Variants in SCNN1B observed in about 807,000 individuals in gnomAD.
SCNN1B encodes the protein sodium channel epithelial 1 subunit beta, also known as epithelial sodium channel subunit beta.
In SCNN1B, 46 loss-of-function variants were observed where a neutral mutation model predicts 65.3. That is an observed-to-expected ratio of 0.70 (90% confidence interval 0.56 to 0.90). SCNN1B has a LOEUF of 0.90. SCNN1B is among the 40% of genes least tolerant of loss of function. The probability of loss-of-function intolerance (pLI) is 0.00; values close to 1 mark genes in which losing one functional copy is unlikely to be tolerated. For missense variants in SCNN1B, 751 were observed against 830.5 expected (o/e 0.90, Z 1.18); for synonymous variants, 349 against 330.6 (o/e 1.06, Z -0.60).
chr16:23,320,011 TG>T (rs1464487263), intron 1 of SCNN1B, among the ~76,000 whole-genome samples: 2 of 152,162 alleles, frequency 1.3e-5, no homozygotes, highest in African/African-American at 4.8e-5. Flanking sequence ...CCTCCCAAAG[TG>T]CTCAGATTAC....
At chr16:23,329,108 A>G (rs1199950243) in intron 1 of SCNN1B, among the ~76,000 whole-genome samples, 1 of 125,078 alleles carries the variant, frequency 8.0e-6, no homozygotes, top group African/African-American at 3.0e-5. Flanking sequence ...CTTGTTTATT[A>G]TTATCATTAT....
intron 1 of SCNN1B, among the ~76,000 whole-genome samples, chr16:23,314,171 C>A (rs2141987771): frequency 6.6e-6 from 1 of 152,092 alleles, no homozygotes; most frequent in African/African-American, 2.4e-5. Flanking sequence ...AGGTGCACAC[C>A]ACTACGGCCA....
At chr16:23,353,113 A>G (rs1233210083) in intron 3 of SCNN1B, 39 bp downstream of exon 3, 2 of 1,609,132 alleles carry the variant, frequency 1.2e-6, no homozygotes, top group Non-Finnish European at 1.7e-6. Context: ...AATGGGCCCC[A>G]CCCAGTGAGG....
At chr16:23,374,232 C>A (rs1017936400) in intron 7 of SCNN1B, among the ~76,000 whole-genome samples, 13 of 137,848 alleles carry the variant, frequency 9.4e-5, no homozygotes, top group African/African-American at 3.5e-4. Context: ...TGCCACTGCA[C>A]CCCAGCCTGG....
At chr16:23,293,142 A>AAAAAAAAT (rs1960950950) in intron 2 of SCNN1B, among the ~76,000 whole-genome samples, 3 of 147,842 alleles carry the variant, frequency 2.0e-5, no homozygotes, top group Non-Finnish European at 4.5e-5. Flanking sequence ...AAAAAAAAAA[A>AAAAAAAAT]GTGAGACTTA....
chr16:23,293,909 G>A (rs973383745), intron 2 of SCNN1B, among the ~76,000 whole-genome samples: 2 of 152,000 alleles, frequency 1.3e-5, no homozygotes, highest in Non-Finnish European at 2.9e-5. Flanking sequence ...GGGCAACAGA[G>A]TGAAACCCTG....
intron 1 of SCNN1B, among the ~76,000 whole-genome samples, chr16:23,305,569 TATATATATTA>T (rs1567290416): frequency 2.2e-5 from 1 of 44,568 alleles, no homozygotes; most frequent in African/African-American, 6.5e-5. Context: ...TATATATATA[TATATATATTA>T]TATATATATA....
At chr16:23,370,952 G>A (rs369276297) in intron 5 of SCNN1B, among the ~76,000 whole-genome samples, 5 of 152,332 alleles carry the variant, frequency 3.3e-5, no homozygotes, top group South Asian at 2.1e-4. Flanking sequence ...GCAGAAGCTC[G>A]GAGGCATTGA....
intron 1 of SCNN1B, among the ~76,000 whole-genome samples, chr16:23,315,006 A>G (rs1221778901): frequency 2.6e-5 from 4 of 152,182 alleles, no homozygotes; most frequent in African/African-American, 9.6e-5. Flanking sequence ...TTGGCAGGAA[A>G]TGGAGACAGA....
intron 1 of SCNN1B, among the ~76,000 whole-genome samples, chr16:23,334,894 GT>G (rs1271785830): frequency 6.6e-6 from 1 of 152,086 alleles, no homozygotes; most frequent in Non-Finnish European, 1.5e-5. Context: ...ACATAAACGT[GT>G]TTTTTTCCCC....
chr16:23,298,938 C>T (rs1203787588), upstream of SCNN1B, among the ~76,000 whole-genome samples: 1 of 152,096 alleles, frequency 6.6e-6, no homozygotes, highest in Non-Finnish European at 1.5e-5. Flanking sequence ...CACAGTTCCA[C>T]AGGGGACTCA....
Position 23,352,791 on chromosome 16 carries a change from C to G in SCNN1B, c.312-10C>G. ...ATTCCTTCCCCCTAACCAGCCCTCT[C>G]CCCATCCAGGTATTCCAAAATCAAG... On this transcript the variant is annotated splice_polypyrimidine_tract_variant and intron_variant, in intron 2 of 12. Transcript: ENST00000343070. 6.2e-7 allele frequency: 1 copy of G among 1,614,120 alleles called. No homozygotes were observed. The highest frequency in any genetic ancestry group is 1.1e-5 in the South Asian group (1 of 91,066).
chr16:23,315,694 C>T (rs1382402985), intron 1 of SCNN1B, among the ~76,000 whole-genome samples: 2 of 152,100 alleles, frequency 1.3e-5, no homozygotes, highest in East Asian at 1.9e-4. Context: ...GTCTCAGCTA[C>T]TTGGAAGGCT....
chr16:23,369,377 C>A (rs1341541539), intron 5 of SCNN1B, among the ~76,000 whole-genome samples: 1 of 152,178 alleles, frequency 6.6e-6, no homozygotes, highest in Non-Finnish European at 1.5e-5. Context: ...ATCCACTGCG[C>A]CCAGCTGTAC....
chr16:23,308,541 G>A (rs980467870), intron 1 of SCNN1B, among the ~76,000 whole-genome samples: 1 of 152,102 alleles, frequency 6.6e-6, no homozygotes, highest in African/African-American at 2.4e-5. Context: ...AGAAATGCAG[G>A]TTCTCACACT....
intron 1 of SCNN1B, among the ~76,000 whole-genome samples, chr16:23,343,643 GAA>G (rs1379077784): frequency 1.8e-5 from 2 of 108,280 alleles, no homozygotes; most frequent in African/African-American, 7.5e-5. Context: ...AAGAAAGAAA[GAA>G]AGAAAAAAAG....
intron 1 of SCNN1B, among the ~76,000 whole-genome samples, chr16:23,305,583 A>ATTT (rs1567290531): frequency 9.7e-5 from 9 of 93,174 alleles, no homozygotes; most frequent in African/African-American, 3.8e-4. Context: ...TATATTATAT[A>ATTT]TATATATATA....
chr16:23,304,020 A>G, intron 1 of SCNN1B: 1 of 1,491,980 alleles, frequency 6.7e-7, no homozygotes, highest in Middle Eastern at 1.7e-4. Flanking sequence ...ATATAAACCC[A>G]GCTTATTTAT....
At chr16:23,342,119 G>A (rs772692093) in intron 1 of SCNN1B, among the ~76,000 whole-genome samples, 9 of 152,188 alleles carry the variant, frequency 5.9e-5, no homozygotes, top group Non-Finnish European at 1.3e-4. Flanking sequence ...TAAATAAAAT[G>A]TAGTCTCAAC....
Sources: gnomAD v4.1 joint callset for allele counts (sites outside exome capture counted in the v4.1 genomes callset) on GRCh38, gnomAD v4.1.1 for gene constraint, MANE v1.5 for transcripts, NCBI Gene and HGNC (gene_info 2026-07-23, HGNC 2026-07-21) for gene names.